Variants in FNDC3B observed in about 807,000 individuals in gnomAD.
FNDC3B encodes fibronectin type III domain-containing protein 3B.
In FNDC3B, 12 loss-of-function variants were observed where a neutral mutation model predicts 151.5. The ratio of observed to expected loss-of-function variants is 0.08; its 90% CI spans 0.05 to 0.13. The LOEUF is 0.13. FNDC3B is among the 10% of genes least tolerant of loss of function. The pLI is 1.00. For missense variants in FNDC3B, 1,214 were observed against 1,505.3 expected (o/e 0.81, Z 3.20); for synonymous variants, 528 against 549.0 (o/e 0.96, Z 0.54).
At position 172,397,271 on chromosome 3, in the gene FNDC3B, G is replaced by A; in HGVS notation, c.3411G>A (p.Glu1137=). 6.2e-7 allele frequency: 1 copy of A among 1,614,208 alleles called. No individual in the cohort carries two copies. The highest frequency in any genetic ancestry group is 8.5e-7 in the Non-Finnish European group (1 of 1,180,026). The change falls in exon 26 of 26, where the codon GAG becomes GAA. Residue 1137 remains glutamate (E), a synonymous_variant. Transcript: ENST00000415807. ...GTCGCTGTTTAGACACCTCTCAGGAGCTAAGCGGAGCCTTCAGCCCCTCTG... is the reference window on the plus strand; with the variant it reads ...GTCGCTGTTTAGACACCTCTCAGGAACTAAGCGGAGCCTTCAGCCCCTCTG... ...ACRRCLDTSQ[E]LSGAFSPSAA...
At chr3:172,226,976 A>G in intron 4 of FNDC3B, 29 bp downstream of exon 4, 1 of 1,372,486 alleles carries the variant, frequency 7.3e-7, no homozygotes, top group South Asian at 1.2e-5. Context: ...TTCTCTACTC[A>G]CTATGGACAC....
chr3:172,064,117 G>A (rs1465454404), intron 1 of FNDC3B, among the ~76,000 whole-genome samples: 3 of 152,216 alleles, frequency 2.0e-5, no homozygotes, highest in Non-Finnish European at 4.4e-5. Flanking sequence ...ACTCCAGCCT[G>A]GACAACATAG....
Position 172,330,685 on chromosome 3 carries a change from C to T in FNDC3B, c.1524C>T (p.Thr508=), listed in dbSNP as rs753337028. 2 of 1,613,700 alleles carry T rather than the reference C, an allele frequency of 1.2e-6. No homozygotes were observed. The highest frequency in any genetic ancestry group is 1.7e-6 in the Non-Finnish European group (2 of 1,179,788). ...GCTGTTCACCCGAGGAAGTGATCAC[C>T]TACACCTTGGAAATTCAGGAGGATG... ...PEGCSPEEVI[T]YTLEIQEDEN... The change falls in exon 13 of 26, where the codon ACC becomes ACT. Residue 508 remains threonine, a synonymous_variant. Coordinates refer to ENST00000415807, the MANE Select transcript of FNDC3B (RefSeq NM_022763.4).
chr3:172,116,861 C>T (rs571024212), intron 2 of FNDC3B, among the ~76,000 whole-genome samples: 16 of 152,122 alleles, frequency 1.1e-4, no homozygotes, highest in South Asian at 2.1e-4. Context: ...CCACCACGCC[C>T]GGTTCACTCA....
In FNDC3B at chr3:172,401,452, G is replaced by A. The variant is rs1455156596; in HGVS notation, c.*3977G>A. 2 of 152,356 alleles carry A rather than the reference G, an allele frequency of 1.3e-5. No individual in the cohort carries two copies. Among genetic ancestry groups the A allele is most frequent in the East Asian group, 3.9e-4 (2 of 5,178 alleles). The allele number at this position is 152,356 out of a possible 1,614,324, so 9.4% of individuals were successfully genotyped here. A position where few individuals can be genotyped will look rare whatever the true frequency, so the allele number is the denominator to read the frequency against. On this transcript the variant is annotated 3_prime_UTR_variant, in exon 26 of 26. Transcript: ENST00000415807. Reference sequence around the variant, plus strand: ...TGATTGTGGACTATACAGGCTGCCAGTTTAATCCTTTATCAGAGTCTCTGT... The same window carrying A: ...TGATTGTGGACTATACAGGCTGCCAATTTAATCCTTTATCAGAGTCTCTGT...
chr3:172,188,148 A>G (rs1306067818), intron 3 of FNDC3B, among the ~76,000 whole-genome samples: 16 of 151,808 alleles, frequency 1.1e-4, no homozygotes. Context: ...GGCATGTGCC[A>G]CCACGCCCGG....
intron 3 of FNDC3B, among the ~76,000 whole-genome samples, chr3:172,205,662 T>C (rs540783862): frequency 6.6e-6 from 1 of 152,336 alleles, no homozygotes; most frequent in East Asian, 1.9e-4. Context: ...TATTTATCTT[T>C]CCTTTATTTC....
intron 2 of FNDC3B, among the ~76,000 whole-genome samples, chr3:172,131,801 A>G (rs1721115782): frequency 6.6e-6 from 1 of 152,234 alleles, no homozygotes; most frequent in Non-Finnish European, 1.5e-5. Flanking sequence ...TAGTGTATAC[A>G]GTAAATAAAG....
At chr3:172,274,384 G>A (rs1729343044) in intron 6 of FNDC3B, among the ~76,000 whole-genome samples, 3 of 152,110 alleles carry the variant, frequency 2.0e-5, no homozygotes, top group Non-Finnish European at 4.4e-5. Flanking sequence ...TTGGACACAG[G>A]AGATGGCAGG....
chr3:172,044,410 C>T (rs1184247794), intron 1 of FNDC3B, among the ~76,000 whole-genome samples: 1 of 150,286 alleles, frequency 6.7e-6, no homozygotes, highest in Non-Finnish European at 1.5e-5. Context: ...TCTATTGTAT[C>T]TTCCATAGTT....
intron 6 of FNDC3B, among the ~76,000 whole-genome samples, chr3:172,261,705 G>A (rs1419028674): frequency 6.6e-6 from 1 of 152,210 alleles, no homozygotes; most frequent in African/African-American, 2.4e-5. Context: ...ACAAATAATT[G>A]TGGGTTTTGC....
intron 3 of FNDC3B, among the ~76,000 whole-genome samples, chr3:172,191,737 T>A (rs1724518977): frequency 6.6e-6 from 1 of 152,138 alleles, no homozygotes; most frequent in East Asian, 1.9e-4. Context: ...GCTCAAGTGA[T>A]CCTCCCATAG....
At chr3:172,299,499 A>C (rs1979735) in intron 9 of FNDC3B, among the ~76,000 whole-genome samples, 87,772 of 152,068 alleles carry the variant, frequency 0.58, 27,847 homozygotes, top group African/African-American at 0.85. Context: ...TGCCAATAAG[A>C]AGGTCTGAAT....
At chr3:172,197,799 G>T (rs912167569) in intron 3 of FNDC3B, among the ~76,000 whole-genome samples, 2 of 152,192 alleles carry the variant, frequency 1.3e-5, no homozygotes, top group African/African-American at 2.4e-5. Flanking sequence ...TGCTCTCATT[G>T]CATTCTTTCA....
chr3:172,302,530 A>C (rs190592824), intron 9 of FNDC3B: 1 of 152,168 alleles, frequency 6.6e-6, no homozygotes, highest in African/African-American at 2.4e-5. Context: ...CACTTTTACT[A>C]TGAGGTTTTG....
intron 1 of FNDC3B, among the ~76,000 whole-genome samples, chr3:172,079,127 AAATG>A (rs1312853315): frequency 6.6e-6 from 1 of 152,168 alleles, no homozygotes; most frequent in Non-Finnish European, 1.5e-5. Flanking sequence ...CTAGATTTAT[AAATG>A]AATGAATGAT....
At chr3:172,311,355 C>T (rs539310987) in intron 11 of FNDC3B, among the ~76,000 whole-genome samples, 3 of 152,210 alleles carry the variant, frequency 2.0e-5, no homozygotes, top group Non-Finnish European at 4.4e-5. Context: ...CACATTCTAC[C>T]CATGTGCGAG....
intron 23 of FNDC3B, among the ~76,000 whole-genome samples, chr3:172,372,477 T>C (rs1394655322): frequency 6.6e-6 from 1 of 152,260 alleles, no homozygotes; most frequent in East Asian, 1.9e-4. Context: ...ATATACATTA[T>C]TCCTTGTTGC....
intron 25 of FNDC3B, among the ~76,000 whole-genome samples, chr3:172,386,759 GA>G (rs1233563821): frequency 0.15 from 15,635 of 106,390 alleles, 942 homozygotes; most frequent in African/African-American, 0.24. Context: ...AAAAAAAAAA[GA>G]AAAAAAAAAA....
Sources: gnomAD v4.1 joint callset for allele counts (sites outside exome capture counted in the v4.1 genomes callset) on GRCh38, gnomAD v4.1.1 for gene constraint, MANE v1.5 for transcripts, NCBI Gene and HGNC (gene_info 2026-07-23, HGNC 2026-07-21) for gene names.